Variants in FUT8 observed in about 807,000 individuals in gnomAD.
The protein encoded by FUT8 is fucosyltransferase 8.
In FUT8, 29 loss-of-function variants were observed where a neutral mutation model predicts 71.3. The ratio of observed to expected loss-of-function variants is 0.41; its 90% confidence interval spans 0.30 to 0.55. The LOEUF (loss-of-function observed/expected upper bound fraction) is 0.55, where lower values mean the gene tolerates loss of function less well. Among genes scored for constraint, FUT8 ranks in the 20% least tolerant of loss-of-function variants. The pLI is 0.34. For synonymous variants in FUT8, 254 were observed against 239.3 expected, an observed-to-expected ratio of 1.06 and a Z score of -0.57; for missense variants, 544 against 702.1, an observed-to-expected ratio of 0.77 and a Z score of 2.55.
At chr14:65,462,098 C>A in intron 2 of FUT8, among the ~76,000 whole-genome samples, 1 of 152,164 alleles carries the variant, frequency 6.6e-6, no homozygotes, top group Non-Finnish European at 1.5e-5. Context: ...ATTTCTAGTT[C>A]TCACATTCTG....
intron 7 of FUT8, among the ~76,000 whole-genome samples, chr14:65,698,312 T>G (rs980765400): frequency 2.0e-5 from 3 of 152,186 alleles, no homozygotes; most frequent in Non-Finnish European, 4.4e-5. Flanking sequence ...TCCAGGAAAT[T>G]AGAGGCAACT....
chr14:65,463,352 G>T (rs2065995325), intron 2 of FUT8, among the ~76,000 whole-genome samples: 1 of 152,042 alleles, frequency 6.6e-6, no homozygotes, highest in Admixed American at 6.6e-5. Context: ...CTGCAGCCTT[G>T]ACCTCCTTGG....
intron 2 of FUT8, chr14:65,471,166 T>TC: frequency 3.7e-6 from 1 of 273,064 alleles, no homozygotes. Context: ...TATAGAACTT[T>TC]CCCCCTCATC....
chr14:65,434,821 CTTTATTT>C, intron 1 of FUT8, among the ~76,000 whole-genome samples: 1 of 152,100 alleles, frequency 6.6e-6, no homozygotes. Context: ...GGCATATTTC[CTTTATTT>C]TTTATACAAC....
chr14:65,718,463 C>T (rs925869191), intron 7 of FUT8, among the ~76,000 whole-genome samples: 3 of 152,152 alleles, frequency 2.0e-5, no homozygotes, highest in Non-Finnish European at 2.9e-5. Flanking sequence ...TTGATCGGTT[C>T]ATCTTTTAGT....
intron 2 of FUT8, among the ~76,000 whole-genome samples, chr14:65,465,649 A>G (rs981364819): frequency 1.3e-5 from 2 of 152,116 alleles, no homozygotes; most frequent in Non-Finnish European, 2.9e-5. Flanking sequence ...TGGTGTGTCT[A>G]TTTGTATGGT....
intron 3 of FUT8, among the ~76,000 whole-genome samples, chr14:65,573,475 A>G (rs971453857): frequency 3.9e-5 from 6 of 152,170 alleles, no homozygotes; most frequent in Non-Finnish European, 7.3e-5. Context: ...AAAATTTTTT[A>G]TAAATCAAAA....
chr14:65,702,534 C>T (rs993140015), intron 7 of FUT8, among the ~76,000 whole-genome samples: 4 of 152,070 alleles, frequency 2.6e-5, no homozygotes, highest in Non-Finnish European at 5.9e-5. Context: ...ATGTTAGAAG[C>T]ATCTTATAGC....
At chr14:65,587,400 A>G (rs1887449241) in intron 3 of FUT8, among the ~76,000 whole-genome samples, 1 of 152,164 alleles carries the variant, frequency 6.6e-6, no homozygotes, top group African/African-American at 2.4e-5. Flanking sequence ...AGTCTTTTGA[A>G]TCTTTGGTAA....
At chr14:65,584,627 G>A (rs1322376397) in intron 3 of FUT8, among the ~76,000 whole-genome samples, 2 of 152,226 alleles carry the variant, frequency 1.3e-5, no homozygotes, top group Non-Finnish European at 2.9e-5. Flanking sequence ...GGTAACAGAA[G>A]GAAGTAGAGA....
At chr14:65,551,333 A>G (rs1374907622) in intron 2 of FUT8, among the ~76,000 whole-genome samples, 5 of 152,142 alleles carry the variant, frequency 3.3e-5, no homozygotes, top group Non-Finnish European at 7.3e-5. Flanking sequence ...ATGGTACTGC[A>G]TTTTTTGTTA....
intron 2 of FUT8, among the ~76,000 whole-genome samples, chr14:65,541,007 T>C (rs910000526): frequency 7.9e-5 from 12 of 152,068 alleles, no homozygotes; most frequent in African/African-American, 2.9e-4. Flanking sequence ...AGATTAATGG[T>C]TTTTCATATG....
In FUT8 at chr14:65,721,966, G is replaced by C. The variant is rs764055324; in HGVS notation, c.1027G>C (p.Glu343Gln). The change falls in exon 8 of 11, where the codon GAA becomes CAA. Residue 343 changes from glutamate to glutamine, a missense_variant. Glu to Gln is a conservative substitution (Grantham distance 29). Coordinates refer to ENST00000673929, the MANE Select transcript of FUT8 (RefSeq NM_001371533.1). ...KYLIRPQPWL[E>Q]KEIEEATKKL... is the part of the protein sequence containing the mutation. Reference sequence around the variant, plus strand: ...CTTGATCCGCCCACAGCCTTGGCTAGAAAAAGAAATAGAAGAAGCCACCAA... The same window carrying C: ...CTTGATCCGCCCACAGCCTTGGCTACAAAAAGAAATAGAAGAAGCCACCAA... The C allele has an allele frequency of 1.2e-6, 2 of 1,614,138 alleles. No individual in the cohort carries two copies. The highest frequency in any genetic ancestry group is 2.2e-5 in the South Asian group (2 of 91,076).
chr14:65,647,922 A>G (rs1349578006), intron 6 of FUT8, among the ~76,000 whole-genome samples: 1 of 152,042 alleles, frequency 6.6e-6, no homozygotes, highest in Non-Finnish European at 1.5e-5. Context: ...AAAGCAAAAT[A>G]CAAAATGGAA....
chr14:65,539,706 G>A (rs1884562802), intron 2 of FUT8, among the ~76,000 whole-genome samples: 2 of 152,128 alleles, frequency 1.3e-5, no homozygotes, highest in South Asian at 4.1e-4. Context: ...TTGTTGTGAG[G>A]CCTGAATGAA....
At chr14:65,725,364 T>C (rs1895625490) in intron 9 of FUT8, among the ~76,000 whole-genome samples, 1 of 152,204 alleles carries the variant, frequency 6.6e-6, no homozygotes, top group Admixed American at 6.5e-5. Context: ...AACACTATTA[T>C]AGGGTTAACA....
chr14:65,692,839 C>T (rs1448703353), intron 7 of FUT8, among the ~76,000 whole-genome samples: 11 of 150,810 alleles, frequency 7.3e-5, no homozygotes, highest in African/African-American at 2.4e-4. Context: ...GGGTCACGGC[C>T]GGGCAGAGGC....
chr14:65,644,461 G>T (rs961267316), intron 6 of FUT8, among the ~76,000 whole-genome samples: 1 of 151,816 alleles, frequency 6.6e-6, no homozygotes, highest in South Asian at 2.1e-4. Context: ...CCGGGTTCAC[G>T]CCATTCTCCT....
chr14:65,515,226 A>G (rs1289422309), intron 2 of FUT8, among the ~76,000 whole-genome samples: 1 of 112,414 alleles, frequency 8.9e-6, no homozygotes, highest in Admixed American at 8.7e-5. Flanking sequence ...TGAAAATACA[A>G]TATCTTTTTA....
Sources: gnomAD v4.1 joint callset for allele counts (sites outside exome capture counted in the v4.1 genomes callset) on GRCh38, gnomAD v4.1.1 for gene constraint, MANE v1.5 for transcripts, NCBI Gene and HGNC (gene_info 2026-07-23, HGNC 2026-07-21) for gene names.